The following SYT14 variants were observed in gnomAD, a reference collection of about 807,000 sequenced individuals.
The protein encoded by SYT14 is synaptotagmin-14.
SYT14 carries 32 observed loss-of-function variants against 74.2 expected under a neutral mutation model. That is an observed-to-expected ratio of 0.43 (90% CI 0.33 to 0.58). The LOEUF is 0.58. Ranked by LOEUF, SYT14 falls within the 20% of genes least tolerant of loss-of-function variation. The pLI, the probability that SYT14 is intolerant of heterozygous loss-of-function variation, is 0.05. For synonymous variants in SYT14, 298 were observed against 337.7 expected (o/e 0.88, Z 1.29); for missense variants, 791 against 981.8 (o/e 0.81, Z 2.60).
rs572150138 is a variant in SYT14 at position 210,067,813 on chromosome 1, G to T, written c.1313-26509G>T. Among the ~76,000 whole-genome samples, 632 of 151,914 alleles carry T rather than the reference G, an allele frequency of 4.2e-3. 10 individuals carry two copies. The highest frequency in any genetic ancestry group is 0.014 in the African/African-American group (597 of 41,504). ...TATAGAAATGTGAGATGTAAAGATTGAAAAGGAAGAAATAAAACAGGAATT... is the reference window on the plus strand; with the variant it reads ...TATAGAAATGTGAGATGTAAAGATTTAAAAGGAAGAAATAAAACAGGAATT... On this transcript the variant is annotated intron_variant, in intron 5 of 9. Coordinates refer to ENST00000637265, the Ensembl canonical transcript of SYT14.
At chr1:210,094,410 G>C in exon 6 of SYT14, 1 of 1,613,976 alleles carries the variant, frequency 6.2e-7, no homozygotes, top group Non-Finnish European at 8.5e-7. Flanking sequence ...CTCCCCATCT[G>C]TCATGTACAC....
chr1:209,990,570 T>TATACGTATATATATATACGTATATATAC, intron 2 of SYT14, among the ~76,000 whole-genome samples: 1 of 136,024 alleles, frequency 7.4e-6, no homozygotes, highest in Admixed American at 9.2e-5. Flanking sequence ...CGTATATATA[T>TATACGTATATATATATACGTATATATAC]GTATGTATAT....
chr1:210,034,902 T>C (rs2080625095), intron 5 of SYT14, among the ~76,000 whole-genome samples: 1 of 151,906 alleles, frequency 6.6e-6, no homozygotes, highest in African/African-American at 2.4e-5. Context: ...TGATTCCATA[T>C]TTTGCTACTG....
At chr1:210,035,873 AT>A (rs2080650369) in intron 5 of SYT14, among the ~76,000 whole-genome samples, 1 of 151,826 alleles carries the variant, frequency 6.6e-6, no homozygotes, top group South Asian at 2.1e-4. Context: ...GCTTAAGGTT[AT>A]TTTGGCTATT....
chr1:209,973,257 A>G (rs1286018323), intron 2 of SYT14, among the ~76,000 whole-genome samples: 7 of 152,200 alleles, frequency 4.6e-5, no homozygotes, highest in Middle Eastern at 3.4e-3. Context: ...CATGTGCACA[A>G]CGTGCAGGTT....
chr1:209,993,875 TACTGGATTGTAGCCCA>T (rs1245440746), intron 2 of SYT14, among the ~76,000 whole-genome samples: 2 of 152,204 alleles, frequency 1.3e-5, no homozygotes, highest in African/African-American at 4.8e-5. Context: ...AAGTGCCAGC[TACTGGATTGTAGCCCA>T]AACTGCAACA....
intron 5 of SYT14, among the ~76,000 whole-genome samples, chr1:210,074,431 G>A (rs1407812542): frequency 6.6e-6 from 1 of 152,140 alleles, no homozygotes; most frequent in Non-Finnish European, 1.5e-5. Context: ...GTTAAGTACT[G>A]TATAGACCAT....
At chr1:210,104,202 G>A (rs892287045) in intron 7 of SYT14, among the ~76,000 whole-genome samples, 2 of 152,230 alleles carry the variant, frequency 1.3e-5, no homozygotes, top group African/African-American at 4.8e-5. Flanking sequence ...ACTAACAGTT[G>A]CAGTAGAGGA....
chr1:210,013,761 G>C, exon 3 of SYT14: 2 of 1,612,926 alleles, frequency 1.2e-6, no homozygotes, highest in Non-Finnish European at 1.7e-6. Flanking sequence ...TCTTGGTTCA[G>C]AATACAGTAC....
chr1:209,941,119 T>C (rs2078723265), intron 1 of SYT14, among the ~76,000 whole-genome samples: 1 of 152,214 alleles, frequency 6.6e-6, no homozygotes, highest in South Asian at 2.1e-4. Context: ...GAGTCTAGAC[T>C]TTTAAGTACT....
chr1:210,137,742 G>A (rs189729104), intron 7 of SYT14, among the ~76,000 whole-genome samples: 12 of 149,894 alleles, frequency 8.0e-5, no homozygotes, highest in African/African-American at 9.8e-5. Context: ...GTGCGGTGGC[G>A]CAATCTCACC....
intron 7 of SYT14, among the ~76,000 whole-genome samples, chr1:210,123,872 A>G (rs1380097295): frequency 6.6e-6 from 1 of 152,198 alleles, no homozygotes; most frequent in Non-Finnish European, 1.5e-5. Flanking sequence ...ACTAAAAACT[A>G]ATTTTAATTA....
intron 5 of SYT14, among the ~76,000 whole-genome samples, chr1:210,044,938 G>A (rs1208453073): frequency 6.6e-6 from 1 of 150,414 alleles, no homozygotes; most frequent in Admixed American, 6.6e-5. Flanking sequence ...CCAAGGGGAT[G>A]GTACTAAACC....
chr1:210,074,464 T>TA (rs904919970), intron 5 of SYT14, among the ~76,000 whole-genome samples: 6 of 152,170 alleles, frequency 3.9e-5, no homozygotes, highest in African/African-American at 1.4e-4. Context: ...GAGCATAAGG[T>TA]ATTGATACAA....
chr1:210,148,504 G>A (rs914226527), intron 7 of SYT14, among the ~76,000 whole-genome samples: 4 of 102,964 alleles, frequency 3.9e-5, no homozygotes, highest in Admixed American at 1.1e-4. Context: ...GCAAAACTCC[G>A]TCTCAAAAAA....
Position 210,094,267 on chromosome 1 carries a change from A to G in SYT14, c.1313-55A>G, listed in dbSNP as rs2081928975. ...AAGTTATTTACAATTATTGTAGACT[A>G]TACTGTGTGTTGAGGCTAATTGGAA... is the stretch of plus-strand genomic sequence containing the variant. On this transcript the variant is annotated intron_variant, in intron 5 of 9. Transcript: ENST00000637265. 4.3e-6 allele frequency: 7 copies of G among 1,610,708 alleles called. No homozygotes were observed. In the Admixed American group the frequency reaches 6.7e-5, roughly 15 times the overall value.
chr1:210,069,936 T>C (rs976913713), intron 5 of SYT14, among the ~76,000 whole-genome samples: 5 of 151,964 alleles, frequency 3.3e-5, no homozygotes, highest in African/African-American at 9.7e-5. Flanking sequence ...TCAGGAAAGA[T>C]CACATTATGA....
intron 7 of SYT14, among the ~76,000 whole-genome samples, chr1:210,138,293 C>A (rs1419629849): frequency 6.6e-6 from 1 of 152,174 alleles, no homozygotes; most frequent in Non-Finnish European, 1.5e-5. Context: ...ACCATCAGAT[C>A]TCATGAGACT....
At chr1:210,111,279 C>T (rs894060970) in intron 7 of SYT14, among the ~76,000 whole-genome samples, 7 of 151,642 alleles carry the variant, frequency 4.6e-5, no homozygotes, top group African/African-American at 1.7e-4. Context: ...CTCTGGTGGG[C>T]AGGGGTGGGT....
Sources: gnomAD v4.1 joint callset for allele counts (sites outside exome capture counted in the v4.1 genomes callset) on GRCh38, gnomAD v4.1.1 for gene constraint, MANE v1.5 for transcripts, NCBI Gene and HGNC (gene_info 2026-07-23, HGNC 2026-07-21) for gene names.